The following ZNF184 variants were observed in gnomAD, a reference collection of about 807,000 sequenced individuals.
The protein encoded by ZNF184 is zinc finger protein 184, also known as zinc finger protein 184 (Kruppel-like).
ZNF184 carries 16 observed loss-of-function variants against 54.4 expected under a neutral mutation model. That is an observed-to-expected ratio of 0.29 (90% CI 0.20 to 0.45). The LOEUF is 0.45. ZNF184 is among the 20% of genes least tolerant of loss of function. ZNF184 has a pLI of 1.00. For synonymous variants in ZNF184, 254 were observed against 295.3 expected, an observed-to-expected ratio of 0.86 and a Z score of 1.43; for missense variants, 681 against 888.2, an observed-to-expected ratio of 0.77 and a Z score of 2.97.
At chr6:27,438,731 C>T in the ZNF184 span, among the ~76,000 whole-genome samples, 5 of 152,042 alleles carry the variant, frequency 3.3e-5, no homozygotes, top group Non-Finnish European at 7.4e-5. Flanking sequence ...GGGGCCATTT[C>T]TTTTCTGTTT....
chr6:27,409,734 C>A, the ZNF184 span, among the ~76,000 whole-genome samples: 1 of 151,624 alleles, frequency 6.6e-6, no homozygotes, highest in Non-Finnish European at 1.5e-5. Flanking sequence ...AAGAAAAATA[C>A]GTTAAAAATA....
the ZNF184 span, among the ~76,000 whole-genome samples, chr6:27,410,530 A>G: frequency 6.6e-6 from 1 of 151,734 alleles, no homozygotes; most frequent in East Asian, 1.9e-4. Context: ...CAATAAAGGA[A>G]TTATGGGAGG....
At chr6:27,421,727 C>T in the ZNF184 span, among the ~76,000 whole-genome samples, 4 of 152,150 alleles carry the variant, frequency 2.6e-5, no homozygotes, top group Non-Finnish European at 5.9e-5. Context: ...TTGGTGATTG[C>T]GTGGTCCCCT....
chr6:27,425,603 T>C, the ZNF184 span, among the ~76,000 whole-genome samples: 7 of 152,236 alleles, frequency 4.6e-5, no homozygotes, highest in African/African-American at 9.6e-5. Flanking sequence ...TGTTCTATTT[T>C]GTGTCTATTT....
the ZNF184 span, among the ~76,000 whole-genome samples, chr6:27,407,391 A>T: frequency 6.6e-6 from 1 of 152,100 alleles, no homozygotes; most frequent in Non-Finnish European, 1.5e-5. Flanking sequence ...TTAGCAGCTT[A>T]ACTCTTTCTC....
the ZNF184 span, among the ~76,000 whole-genome samples, chr6:27,425,368 C>T: frequency 6.6e-6 from 1 of 152,236 alleles, no homozygotes; most frequent in Non-Finnish European, 1.5e-5. Flanking sequence ...GCTGTGAGGA[C>T]TGCCAGCACG....
At chr6:27,423,111 C>G in the ZNF184 span, among the ~76,000 whole-genome samples, 1 of 152,250 alleles carries the variant, frequency 6.6e-6, no homozygotes, top group East Asian at 1.9e-4. Flanking sequence ...GTCGCGTACG[C>G]GGCCTCAGTC....
chr6:27,415,428 C>G, the ZNF184 span, among the ~76,000 whole-genome samples: 1 of 151,920 alleles, frequency 6.6e-6, no homozygotes, highest in Non-Finnish European at 1.5e-5. Context: ...TTGGAACTTT[C>G]AAGAAAAAAA....
At chr6:27,427,934 G>A in the ZNF184 span, among the ~76,000 whole-genome samples, 1 of 152,038 alleles carries the variant, frequency 6.6e-6, no homozygotes, top group Non-Finnish European at 1.5e-5. Flanking sequence ...CCAACCTCTT[G>A]GTTCAAAATC....
chr6:27,422,148 A>AAGAAAGAAAG, the ZNF184 span, among the ~76,000 whole-genome samples: 2 of 43,456 alleles, frequency 4.6e-5, no homozygotes, highest in African/African-American at 8.5e-5. Flanking sequence ...CTCAAAAAAA[A>AAGAAAGAAAG]AAAGAAAGAA....
chr6:27,443,387 C>T, the ZNF184 span, among the ~76,000 whole-genome samples: 3 of 152,326 alleles, frequency 2.0e-5, no homozygotes, highest in East Asian at 5.8e-4. Context: ...TCTACTAATT[C>T]CCGGTCACTT....
the ZNF184 span, among the ~76,000 whole-genome samples, chr6:27,410,334 G>C: frequency 6.6e-6 from 1 of 152,182 alleles, no homozygotes; most frequent in African/African-American, 2.4e-5. Context: ...GATCCTAGCA[G>C]ATCTGAGAAA....
chr6:27,467,543 G>A (rs1015456572), intron 3 of ZNF184, among the ~76,000 whole-genome samples: 1 of 152,030 alleles, frequency 6.6e-6, no homozygotes, highest in Non-Finnish European at 1.5e-5. Flanking sequence ...TGCAGTGAGC[G>A]GAGATCACCA....
At chr6:27,424,899 CG>C in the ZNF184 span, among the ~76,000 whole-genome samples, 1 of 152,142 alleles carries the variant, frequency 6.6e-6, no homozygotes, top group Non-Finnish European at 1.5e-5. Context: ...CGGGGAGGCT[CG>C]GGCGGCACAG....
the ZNF184 span, among the ~76,000 whole-genome samples, chr6:27,442,896 GA>G: frequency 2.2e-4 from 32 of 145,028 alleles, 6 homozygotes; most frequent in South Asian, 1.1e-3. Flanking sequence ...AAAAAAGAAA[GA>G]AAAAAAAAAA....
intron 3 of ZNF184, among the ~76,000 whole-genome samples, chr6:27,465,584 TATATAAAA>T (rs1245794867): frequency 2.3e-5 from 3 of 130,672 alleles, no homozygotes; most frequent in Non-Finnish European, 4.9e-5. Context: ...AAAGCAAAAA[TATATAAAA>T]ATATATACCA....
At chr6:27,465,746 C>T (rs1340326319) in intron 3 of ZNF184, among the ~76,000 whole-genome samples, 3 of 151,900 alleles carry the variant, frequency 2.0e-5, no homozygotes, top group Non-Finnish European at 4.4e-5. Flanking sequence ...AATATATTTG[C>T]GAAAATTGGT....
chr6:27,452,224 G>A lies in ZNF184; in HGVS notation c.1335C>T (p.Pro445=), dbSNP rs199834268. Residue 445 remains proline, a synonymous_variant, in exon 6 of 6, where the codon CCC becomes CCT. Transcript: ENST00000683788. This position sits in a 1 kb window ranked among gnomAD's most constrained non-coding sequence, Gnocchi z 5.5. ...ATTTTCCACATTCTGCACAATCATA[G>A]GGTTTCTCCCCAGTATGAGTTTTTT... ...QHQKTHTGEK[P]YDCAECGKSF... is the part of the protein sequence containing the mutation. The A allele has an allele frequency of 8.7e-6, 14 of 1,613,928 alleles. No homozygotes were observed. Among genetic ancestry groups the A allele is most frequent in the South Asian group, 2.2e-5 (2 of 91,080 alleles).
chr6:27,459,494 C>G (rs1198422648), intron 3 of ZNF184, among the ~76,000 whole-genome samples: 2 of 152,104 alleles, frequency 1.3e-5, no homozygotes, highest in Non-Finnish European at 2.9e-5. Flanking sequence ...TGCTCCCCTC[C>G]CCTAAAAATA....
Sources: allele counts gnomAD v4.1 joint callset (sites outside exome capture counted in the v4.1 genomes callset), GRCh38; gene constraint gnomAD v4.1.1; non-coding constraint Gnocchi (gnomAD v3.1); transcripts MANE v1.5; gene names NCBI Gene and HGNC (gene_info 2026-07-23, HGNC 2026-07-21).